The following CDKAL1 variants were observed in gnomAD, a reference collection of about 807,000 sequenced individuals.
CDKAL1 encodes the protein CDKAL1 threonylcarbamoyladenosine tRNA methylthiotransferase.
Under a neutral mutation model 68.2 loss-of-function variants are expected in CDKAL1, and 32 were observed. The ratio of observed to expected loss-of-function variants is 0.47; its 90% confidence interval spans 0.35 to 0.63. CDKAL1 has a LOEUF of 0.63. Ranked by LOEUF, CDKAL1 falls within the 30% of genes least tolerant of loss-of-function variation. The pLI is 0.00. For synonymous variants in CDKAL1, 234 were observed against 244.3 expected, an observed-to-expected ratio of 0.96 and a Z score of 0.39; for missense variants, 606 against 696.7, an observed-to-expected ratio of 0.87 and a Z score of 1.47.
chr6:20,893,803 AGCACAGTCTTGG>A (rs1298742043), intron 9 of CDKAL1, among the ~76,000 whole-genome samples: 1 of 152,220 alleles, frequency 6.6e-6, no homozygotes, highest in Non-Finnish European at 1.5e-5. Context: ...CAGAGAGCTA[AGCACAGTCTTGG>A]GCATGGAGTA....
chr6:20,800,173 G>A (rs898477322), intron 8 of CDKAL1, among the ~76,000 whole-genome samples: 1 of 67,170 alleles, frequency 1.5e-5, no homozygotes, highest in Admixed American at 1.5e-4. Context: ...TTCTTTTAAA[G>A]CAGATTCTCA....
At chr6:20,576,143 A>G (rs16883951) in intron 4 of CDKAL1, among the ~76,000 whole-genome samples, 13,856 of 152,246 alleles carry the variant, frequency 0.091, 733 homozygotes, top group African/African-American at 0.12. Context: ...TAAAGATCTT[A>G]TTTAGTGTCT....
At position 20,636,771 on chromosome 6, in the gene CDKAL1, C is replaced by G. The variant is rs190001195; in HGVS notation, c.287-12522C>G. Among the ~76,000 whole-genome samples, 150 of 152,248 alleles carry G rather than the reference C, an allele frequency of 9.9e-4. 3 individuals carry two copies. Among genetic ancestry groups the G allele is most frequent in the Admixed American group, 9.7e-3 (149 of 15,294 alleles). ...AAGGATTGTTGGCGGGGTGAAGTGG[C>G]CCATGCCTGTAATCCCACACTTTGG... On this transcript the variant is annotated intron_variant, in intron 4 of 15. Coordinates refer to ENST00000274695, the MANE Select transcript of CDKAL1 (RefSeq NM_017774.3).
chr6:21,146,809 C>A (rs1776191265), intron 13 of CDKAL1, among the ~76,000 whole-genome samples: 1 of 148,902 alleles, frequency 6.7e-6, no homozygotes, highest in African/African-American at 2.5e-5. Flanking sequence ...CAAGATCTCG[C>A]CACTGCACTC....
chr6:20,887,293 A>G (rs779828513), intron 9 of CDKAL1, among the ~76,000 whole-genome samples: 16 of 152,224 alleles, frequency 1.1e-4, no homozygotes, highest in Admixed American at 2.6e-4. Flanking sequence ...ACATGCACTT[A>G]TCCTGTAATC....
chr6:20,538,542 C>T (rs1418229317), intron 2 of CDKAL1, among the ~76,000 whole-genome samples: 1 of 152,190 alleles, frequency 6.6e-6, no homozygotes, highest in Non-Finnish European at 1.5e-5. Context: ...CAGTGGATTC[C>T]TTTCATTCCT....
At chr6:20,893,827 G>C (rs1465883269) in intron 9 of CDKAL1, among the ~76,000 whole-genome samples, 2 of 152,278 alleles carry the variant, frequency 1.3e-5, no homozygotes, top group East Asian at 3.9e-4. Flanking sequence ...CATGGAGTAA[G>C]TGCACAAGAA....
rs957327280 is a variant in CDKAL1, at chr6:20,534,517, C to G, written c.-107C>G. ...CTCCATCTAAAGTCTGTGCAGCTTCCGGAGAGTGGCGGGTTGATTTTCTCA... is the reference window on the plus strand; with the variant it reads ...CTCCATCTAAAGTCTGTGCAGCTTCGGGAGAGTGGCGGGTTGATTTTCTCA... On this transcript the variant is annotated 5_prime_UTR_variant, in exon 1 of 16. Transcript: ENST00000274695. The G allele has an allele frequency of 6.5e-6, 1 of 152,790 alleles. No individual in the cohort carries two copies. The highest frequency in any genetic ancestry group is 2.4e-5 in the African/African-American group (1 of 41,428). 9.5% of individuals were successfully genotyped at this position (152,790 alleles called of 1,614,324 possible).
At chr6:20,833,156 G>T (rs1396185015) in intron 8 of CDKAL1, among the ~76,000 whole-genome samples, 1 of 152,174 alleles carries the variant, frequency 6.6e-6, no homozygotes, top group Non-Finnish European at 1.5e-5. Flanking sequence ...ATTGGAGAAT[G>T]AAAAGGTATT....
chr6:21,159,029 A>C (rs1193106830), intron 13 of CDKAL1, among the ~76,000 whole-genome samples: 1 of 151,660 alleles, frequency 6.6e-6, no homozygotes, highest in Non-Finnish European at 1.5e-5. Flanking sequence ...CATTGTCAAC[A>C]TAGTTAATAA....
chr6:20,997,030 G>A (rs1316009771), intron 10 of CDKAL1, among the ~76,000 whole-genome samples: 1 of 152,118 alleles, frequency 6.6e-6, no homozygotes, highest in South Asian at 2.1e-4. Flanking sequence ...ACCTCTTTTC[G>A]TGTATGTTGA....
chr6:20,800,560 C>A (rs1776324924), intron 8 of CDKAL1: 1 of 152,236 alleles, frequency 6.6e-6, no homozygotes, highest in African/African-American at 2.4e-5. Flanking sequence ...TCTAAACTCT[C>A]ATGCCCAGCT....
chr6:20,934,240 A>G (rs1763599154), intron 9 of CDKAL1, among the ~76,000 whole-genome samples: 1 of 152,158 alleles, frequency 6.6e-6, no homozygotes, highest in Non-Finnish European at 1.5e-5. Flanking sequence ...TCTAAGTGGA[A>G]GTAGAAATGT....
chr6:20,667,839 A>G (rs538576115), intron 5 of CDKAL1, among the ~76,000 whole-genome samples: 12 of 152,270 alleles, frequency 7.9e-5, no homozygotes, highest in African/African-American at 2.9e-4. Flanking sequence ...CTCATTACCT[A>G]GATTTAACAA....
intron 11 of CDKAL1, among the ~76,000 whole-genome samples, chr6:21,011,562 C>T (rs1768021978): frequency 6.6e-6 from 1 of 152,126 alleles, no homozygotes. Flanking sequence ...ATTAGTAAAA[C>T]TTGGTAACTG....
intron 3 of CDKAL1, 60 bp from the exon 4 acceptor site, chr6:20,548,533 A>T: frequency 6.0e-6 from 1 of 165,524 alleles, no homozygotes; most frequent in Non-Finnish European, 1.2e-5. Flanking sequence ...ACCCTGGATC[A>T]AAAAAAAAAA....
intron 10 of CDKAL1, among the ~76,000 whole-genome samples, chr6:20,985,089 A>T (rs1011691946): frequency 3.9e-5 from 6 of 152,138 alleles, no homozygotes; most frequent in Non-Finnish European, 7.3e-5. Flanking sequence ...TTTTTCAAAT[A>T]CTTTTTTTTA....
chr6:21,096,504 G>A (rs900216524), intron 12 of CDKAL1, among the ~76,000 whole-genome samples: 3 of 152,176 alleles, frequency 2.0e-5, no homozygotes, highest in Non-Finnish European at 2.9e-5. Flanking sequence ...TAATGACAAT[G>A]TAGAAATACA....
At chr6:20,922,514 G>T (rs1763003817) in intron 9 of CDKAL1, among the ~76,000 whole-genome samples, 1 of 152,148 alleles carries the variant, frequency 6.6e-6, no homozygotes, top group Admixed American at 6.5e-5. Context: ...GTATGGGTGT[G>T]TGTACTATTT....
Sources: allele counts gnomAD v4.1 joint callset (sites outside exome capture counted in the v4.1 genomes callset), GRCh38; gene constraint gnomAD v4.1.1; transcripts MANE v1.5; gene names NCBI Gene and HGNC (gene_info 2026-07-23, HGNC 2026-07-21).